The following PTPRN2 variants were observed in gnomAD, a reference collection of about 807,000 sequenced individuals.
PTPRN2 encodes the protein receptor-type tyrosine-protein phosphatase N2.
PTPRN2 carries 74 observed loss-of-function variants against 118.8 expected under a neutral mutation model. The ratio of observed to expected loss-of-function variants is 0.62; its 90% CI spans 0.52 to 0.76. The LOEUF is 0.76. PTPRN2 is among the 30% of genes least tolerant of loss of function. PTPRN2 has a pLI of 0.00. For missense variants in PTPRN2, 1,481 were observed against 1,394.4 expected, an observed-to-expected ratio of 1.06 and a Z score of -0.99; for synonymous variants, 641 against 608.0, an observed-to-expected ratio of 1.05 and a Z score of -0.80.
chr7:158,003,092 G>A lies in PTPRN2; in HGVS notation c.1723+78206C>T, dbSNP rs1258013617. Among the ~76,000 whole-genome samples, 2 of 152,160 alleles carry A rather than the reference G, an allele frequency of 1.3e-5. No individual in the cohort carries two copies. Among genetic ancestry groups the A allele is most frequent in the Non-Finnish European group, 2.9e-5 (2 of 68,034 alleles). Reference sequence around the variant, plus strand: ...CAGGGGAAGCCCTGAACCCTCATGTGACTGTACTTGGGGACAGGGCCTCTA... The same window carrying A: ...CAGGGGAAGCCCTGAACCCTCATGTAACTGTACTTGGGGACAGGGCCTCTA... On this transcript the variant is annotated intron_variant, in intron 11 of 22. Transcript: ENST00000389418. This position sits in a 1 kb window ranked among gnomAD's most constrained non-coding sequence, Gnocchi z 5.0.
chr7:157,912,966 C>T (rs1798184158), intron 11 of PTPRN2, among the ~76,000 whole-genome samples: 2 of 152,104 alleles, frequency 1.3e-5, no homozygotes, highest in Non-Finnish European at 1.5e-5. Flanking sequence ...CAGCTTGTCA[C>T]GTTTGTAAAT....
intron 11 of PTPRN2, among the ~76,000 whole-genome samples, chr7:158,012,085 C>T (rs1378046791): frequency 2.0e-5 from 3 of 152,160 alleles, no homozygotes; most frequent in South Asian, 2.1e-4. Flanking sequence ...GAGAGCCATT[C>T]GTCCTGAAAT....
At chr7:158,316,692 C>T (rs936742152) in intron 3 of PTPRN2, 127 bp downstream of exon 3, 82 of 693,844 alleles carry the variant, frequency 1.2e-4, no homozygotes, top group Admixed American at 2.5e-4. Context: ...CGGCTCCCAC[C>T]TGCCCCTTCC....
intron 11 of PTPRN2, among the ~76,000 whole-genome samples, chr7:158,071,233 GTGGAGGTGCTCGTAGTA>G (rs1393518889): frequency 3.8e-5 from 3 of 78,044 alleles, no homozygotes; most frequent in Non-Finnish European, 8.1e-5. Flanking sequence ...GCCCGTGGTG[GTGGAGGTGCTCGTAGTA>G]TGGAGGTGCC....
At chr7:157,541,530 C>G (rs922203254) in intron 22 of PTPRN2, among the ~76,000 whole-genome samples, 1 of 152,250 alleles carries the variant, frequency 6.6e-6, no homozygotes, top group Non-Finnish European at 1.5e-5. Context: ...GTATCTGCCT[C>G]CTCTCCCACA....
chr7:158,493,841 GCA>G (rs1821629096), intron 1 of PTPRN2, among the ~76,000 whole-genome samples: 2 of 150,788 alleles, frequency 1.3e-5, no homozygotes, highest in African/African-American at 2.4e-5. Context: ...ATACACACAT[GCA>G]CACACTCATA....
intron 1 of PTPRN2, among the ~76,000 whole-genome samples, chr7:158,491,672 T>C (rs1479050763): frequency 6.6e-6 from 1 of 152,090 alleles, no homozygotes; most frequent in Non-Finnish European, 1.5e-5. Context: ...GTATTTTTAG[T>C]AGAGACGGGA....
intron 3 of PTPRN2, among the ~76,000 whole-genome samples, chr7:158,213,082 G>C (rs1477243956): frequency 6.6e-6 from 1 of 152,038 alleles, no homozygotes; most frequent in Non-Finnish European, 1.5e-5. Flanking sequence ...TTAGCACTTA[G>C]AACTACCCCA....
chr7:158,182,902 A>G lies in PTPRN2; in HGVS notation c.549+9425T>C, dbSNP rs564987374. ...TGTCAGTGAAGTATTGAGGTCCCCC[A>G]GTGTTGGCATGTTGCTGCCTATCTC... On this transcript the variant is annotated intron_variant, in intron 5 of 22. Coordinates refer to ENST00000389418, the MANE Select transcript of PTPRN2 (RefSeq NM_002847.5). Among the ~76,000 whole-genome samples the G allele has an allele frequency of 2.0e-5, 3 of 152,328 alleles. No individual in the cohort carries two copies. The East Asian group carries it at 5.8e-4, about 29-fold the overall frequency.
chr7:158,071,805 G>T (rs1347275838), intron 11 of PTPRN2, among the ~76,000 whole-genome samples: 12 of 108,822 alleles, frequency 1.1e-4, no homozygotes, highest in African/African-American at 4.8e-4. Context: ...GCTCCTGGTG[G>T]AGGTGCTCGT....
At chr7:157,901,787 CCG>C (rs1420815827) in intron 11 of PTPRN2, among the ~76,000 whole-genome samples, 1 of 59,164 alleles carries the variant, frequency 1.7e-5, no homozygotes, top group East Asian at 6.5e-4. Flanking sequence ...GCCTTCCCGT[CCG>C]TGTTTCCTGG....
At chr7:158,032,084 G>T (rs757831829) in intron 11 of PTPRN2, among the ~76,000 whole-genome samples, 14 of 152,200 alleles carry the variant, frequency 9.2e-5, no homozygotes, top group Non-Finnish European at 1.8e-4. Context: ...CTCAGGCCCC[G>T]GCATTCCAGC....
intron 2 of PTPRN2, among the ~76,000 whole-genome samples, chr7:158,389,681 G>T (rs1018647403): frequency 8.5e-5 from 13 of 152,260 alleles, no homozygotes; most frequent in Non-Finnish European, 1.5e-4. Flanking sequence ...CCTGGCTGCT[G>T]GAACCAGGCC....
At chr7:158,585,423 C>T (rs1355216002) in intron 1 of PTPRN2, among the ~76,000 whole-genome samples, 1 of 152,212 alleles carries the variant, frequency 6.6e-6, no homozygotes, top group African/African-American at 2.4e-5. Context: ...GAAACAATTT[C>T]AACGATGTCT....
intron 3 of PTPRN2, among the ~76,000 whole-genome samples, chr7:158,305,807 A>G (rs1419545640): frequency 6.6e-6 from 1 of 151,054 alleles, no homozygotes; most frequent in Non-Finnish European, 1.5e-5. Context: ...AAAAAAAAAA[A>G]GAAAGAAAGA....
At chr7:157,907,568 T>C (rs1486345190) in intron 11 of PTPRN2, among the ~76,000 whole-genome samples, 16 of 123,924 alleles carry the variant, frequency 1.3e-4, no homozygotes, top group African/African-American at 3.1e-4. Flanking sequence ...CTGTCTCCTG[T>C]GTGTGAGGTG....
At chr7:157,772,238 C>G (rs572442533) in intron 12 of PTPRN2, among the ~76,000 whole-genome samples, 1,852 of 151,888 alleles carry the variant, frequency 0.012, 39 homozygotes, top group African/African-American at 0.042. Flanking sequence ...CACACACATA[C>G]ACACAGACAC....
chr7:158,369,060 G>A (rs1390533920), intron 2 of PTPRN2, among the ~76,000 whole-genome samples: 1 of 151,964 alleles, frequency 6.6e-6, no homozygotes, highest in Non-Finnish European at 1.5e-5. Context: ...TATAAAGCAG[G>A]CAGAATATCG....
At position 157,907,692 on chromosome 7, in the gene PTPRN2, T is replaced by C. The variant is rs945667370; in HGVS notation, c.1724-8955A>G. Among the ~76,000 whole-genome samples, 442 of 82,270 alleles carry C rather than the reference T, an allele frequency of 5.4e-3. 1 individual carries two copies. The highest frequency in any genetic ancestry group is 0.01 in the Middle Eastern group (1 of 96). 54.0% of individuals were successfully genotyped at this position (82,270 alleles called of 152,430 possible). On this transcript the variant is annotated intron_variant, in intron 11 of 22. Transcript: ENST00000389418. ...GGGGGTGGCAGTATCTCCCTGTCCCTTGCGTGTGGGGTGTCCTGGGTGGCA... is the reference window on the plus strand; with the variant it reads ...GGGGGTGGCAGTATCTCCCTGTCCCCTGCGTGTGGGGTGTCCTGGGTGGCA...
Sources: allele counts gnomAD v4.1 joint callset (sites outside exome capture counted in the v4.1 genomes callset), GRCh38; gene constraint gnomAD v4.1.1; non-coding constraint Gnocchi (gnomAD v3.1); transcripts MANE v1.5; gene names NCBI Gene and HGNC (gene_info 2026-07-23, HGNC 2026-07-21).